The following GSS variants were observed in gnomAD, a reference collection of about 807,000 sequenced individuals.
GSS encodes the protein glutathione synthetase, also known as GSH synthetase.
A neutral mutation model predicts 60.4 loss-of-function variants in GSS; 34 were observed. The observed-to-expected ratio is 0.56, with a 90% confidence interval of 0.43 to 0.75. The LOEUF is 0.75. GSS is among the 30% of genes least tolerant of loss of function. The pLI, the probability that GSS is intolerant of heterozygous loss-of-function variation, is 0.00. For missense variants in GSS, 499 were observed against 595.1 expected (o/e 0.84, Z 1.68); for synonymous variants, 224 against 239.0 (o/e 0.94, Z 0.58).
chr20:34,951,725 T>C lies in GSS; in HGVS notation c.128A>G (p.Glu43Gly), dbSNP rs1211698015. 1.9e-6 allele frequency: 3 copies of C among 1,604,706 alleles called. No individual in the cohort carries two copies. In the South Asian group the frequency reaches 3.4e-5, roughly 18 times the overall value. Residue 43 changes from glutamate (E) to glycine (G), a missense_variant and splice_region_variant, in exon 2 of 13, where the codon GAG (glutamate) becomes GGG (glycine). Physicochemically the swap from Glu to Gly is moderately conservative, Grantham distance 98. Coordinates refer to ENST00000651619, the MANE Select transcript of GSS (RefSeq NM_000178.4). ...TGTGGGGAGGAGCTAGGGGCTTACC[T>C]CCGAGGAAGTGGGCTCCTGTGAGGT... is the stretch of plus-strand genomic sequence containing the variant. ...LRTSQEPTSS[E>G]VVSYAPFTLF... is the part of the protein sequence containing the mutation.
chr20:34,948,682 G>A (rs2081541886), intron 2 of GSS, among the ~76,000 whole-genome samples: 1 of 152,026 alleles, frequency 6.6e-6, no homozygotes, highest in African/African-American at 2.4e-5. Context: ...TGCTCTGGAG[G>A]CTGAGGCAGG....
Position 34,928,949 on chromosome 20 carries a change from T to C in GSS, c.1304A>G (p.Gln435Arg), listed in dbSNP as rs752699433. ...ELGIFGVYVR[Q>R]EKTLVMNKHV... The stretch of plus-strand genomic sequence containing the variant: ...CTTGTTCATCACGAGTGTCTTTTCC[T>C]GCCTATAGAAATGGAGGCAGGGGAC... Residue 435 changes from glutamine to arginine, a missense_variant and splice_region_variant, in exon 13 of 13, where the codon CAG becomes CGG. Transcript: ENST00000651619. The C allele has an allele frequency of 6.2e-7, 1 of 1,613,214 alleles. No homozygotes were observed. Among genetic ancestry groups the C allele is most frequent in the South Asian group, 1.1e-5 (1 of 91,030 alleles).
In GSS at chr20:34,936,877, CTA is replaced by C. The variant is rs754873368; in HGVS notation, c.690-39_690-38del. On this transcript the variant is annotated intron_variant, in intron 7 of 12. Coordinates refer to ENST00000651619, the MANE Select transcript of GSS (RefSeq NM_000178.4). ...GGGCAAGAGCCAGAGGGAATGGATG[CTA>C]TGTTCTGAGTGCCCCACCCCTAATC... 1.9e-5 allele frequency: 30 copies of C among 1,607,554 alleles called. No individual in the cohort carries two copies. In the Admixed American group the frequency reaches 3.7e-4, roughly 20 times the overall value.
chr20:34,929,674 G>C, intron 11 of GSS, 84 bp from the exon 12 acceptor site: 1 of 1,201,748 alleles, frequency 8.3e-7, no homozygotes, highest in South Asian at 1.2e-5. Context: ...ACATGGGCAA[G>C]TCAGCAGCCT....
At position 34,929,498 on chromosome 20, in the gene GSS, C is replaced by T. The variant is rs779570431; in HGVS notation, c.1204G>A (p.Glu402Lys). ...AGGCAATTCTCAAAAGGCTCAGGTT[C>T]GATCTTCTCCATGAGGATGTAGGAG... ...RASYILMEKIEPEPFENCLLR... is the reference protein window; with the variant it reads ...RASYILMEKIKPEPFENCLLR... Residue 402 changes from glutamate (E) to lysine (K), a missense_variant, in exon 12 of 13, where the codon GAA (glutamate) becomes AAA (lysine). Coordinates refer to ENST00000651619, the MANE Select transcript of GSS (RefSeq NM_000178.4). The T allele has an allele frequency of 6.2e-6, 10 of 1,613,896 alleles. No homozygotes were observed. The highest frequency in any genetic ancestry group is 1.3e-5 in the African/African-American group (1 of 74,918).
chr20:34,945,878 A>G, intron 3 of GSS, 75 bp downstream of exon 3: 1 of 1,491,182 alleles, frequency 6.7e-7, no homozygotes, highest in Non-Finnish European at 9.3e-7. Context: ...ACACAGTAAC[A>G]CCTCACGGCT....
chr20:34,945,546 T>C (rs1328725705), intron 3 of GSS, among the ~76,000 whole-genome samples: 1 of 152,132 alleles, frequency 6.6e-6, no homozygotes, highest in African/African-American at 2.4e-5. Flanking sequence ...TTAGGAGAAG[T>C]AGAAAATCTG....
intron 2 of GSS, chr20:34,949,616 G>C (rs1415219088): frequency 6.6e-6 from 1 of 152,044 alleles, no homozygotes; most frequent in Non-Finnish European, 1.5e-5. Context: ...TCAGAGCATG[G>C]ACTCAGGAGC....
At chr20:34,942,167 TG>T (rs2081488213) in intron 5 of GSS, among the ~76,000 whole-genome samples, 1 of 152,120 alleles carries the variant, frequency 6.6e-6, no homozygotes, top group South Asian at 2.1e-4. Flanking sequence ...GGAGCATCAC[TG>T]CTGGCTAGAA....
At chr20:34,955,826 C>G (rs1012449125), upstream of GSS, 8 of 152,240 alleles carry the variant, frequency 5.3e-5, no homozygotes, top group Non-Finnish European at 8.8e-5. Flanking sequence ...TTGCGCTGAC[C>G]GCCCCGGCTA....
chr20:34,943,039 T>C, intron 3 of GSS, 33 bp from the exon 4 acceptor site: 9 of 1,461,580 alleles, frequency 6.2e-6, no homozygotes, highest in Non-Finnish European at 8.6e-6. Flanking sequence ...TTTTGCAGGC[T>C]TAATTGGACC....
intron 2 of GSS, among the ~76,000 whole-genome samples, chr20:34,947,948 T>TC (rs1033597984): frequency 1.8e-5 from 2 of 110,708 alleles, no homozygotes; most frequent in Non-Finnish European, 4.1e-5. Flanking sequence ...CTTCTCAGCA[T>TC]CTTTTTTTTT....
At chr20:34,932,248 C>T in intron 9 of GSS, 115 bp from the exon 10 acceptor site, 1 of 820,266 alleles carries the variant, frequency 1.2e-6, no homozygotes, top group South Asian at 1.4e-5. Context: ...CCCTCATTAT[C>T]ACCCAGGATC....
intron 8 of GSS, among the ~76,000 whole-genome samples, chr20:34,936,346 C>G (rs1192018438): frequency 6.6e-6 from 1 of 152,130 alleles, no homozygotes. Flanking sequence ...GTGGTGGCCC[C>G]TAGAGAAAAG....
In GSS at chr20:34,951,974, G is replaced by A. The variant is rs2081572992; in HGVS notation, c.-8-114C>T. ...CAGGACCCTGACCTCTGTTGGAAGG[G>A]AACAGCGTGGTATACAGGAGTGAAC... On this transcript the variant is annotated intron_variant, in intron 1 of 12. Coordinates refer to ENST00000651619, the MANE Select transcript of GSS (RefSeq NM_000178.4). 6 of 1,039,904 alleles carry A rather than the reference G, an allele frequency of 5.8e-6. No individual in the cohort carries two copies. The South Asian group carries it at 7.8e-5, about 14-fold the overall frequency. The allele number at this position is 1,039,904 out of a possible 1,614,324, so 64.4% of individuals were successfully genotyped here. A position where few individuals can be genotyped will look rare whatever the true frequency, so the allele number is the denominator to read the frequency against.
intron 2 of GSS, among the ~76,000 whole-genome samples, chr20:34,950,506 T>C (rs2081560491): frequency 6.6e-6 from 1 of 151,920 alleles, no homozygotes; most frequent in African/African-American, 2.4e-5. Flanking sequence ...GGTTCACACC[T>C]GTAATCCCAG....
chr20:34,931,775 C>T (rs552184911), intron 10 of GSS, among the ~76,000 whole-genome samples, 164 bp downstream of exon 10: 60 of 152,310 alleles, frequency 3.9e-4, no homozygotes, highest in Non-Finnish European at 6.8e-4. Context: ...CATTATGAGG[C>T]TGCCCTTCTG....
At chr20:34,931,888 G>T (rs1314280913) in intron 10 of GSS, 51 bp downstream of exon 10, 3 of 1,525,182 alleles carry the variant, frequency 2.0e-6, no homozygotes, top group East Asian at 2.2e-5. Context: ...TGGGCTGTAG[G>T]TCTCTGCCAC....
intron 8 of GSS, 97 bp downstream of exon 8, chr20:34,936,666 C>G: frequency 1.1e-6 from 1 of 935,788 alleles, no homozygotes; most frequent in Non-Finnish European, 1.8e-6. Context: ...AGGAAGCAAG[C>G]CATCACATCT....
Sources: gnomAD v4.1 joint callset for allele counts (sites outside exome capture counted in the v4.1 genomes callset) on GRCh38, gnomAD v4.1.1 for gene constraint, MANE v1.5 for transcripts, NCBI Gene and HGNC (gene_info 2026-07-23, HGNC 2026-07-21) for gene names.